DGKI: variants seen among roughly 807,000 people sequenced by gnomAD.
DGKI encodes DAG kinase iota.
In DGKI, 55 loss-of-function variants were observed where a neutral mutation model predicts 147.5. That is an observed-to-expected ratio of 0.37 (90% CI 0.30 to 0.47). The LOEUF (loss-of-function observed/expected upper bound fraction) is 0.47, where lower values mean the gene tolerates loss of function less well. Among genes scored for constraint, DGKI ranks in the 20% least tolerant of loss-of-function variants. The pLI, the probability that DGKI is intolerant of heterozygous loss-of-function variation, is 1.00. For synonymous variants in DGKI, 469 were observed against 477.1 expected, an observed-to-expected ratio of 0.98 and a Z score of 0.22; for missense variants, 1,007 against 1,323.8, an observed-to-expected ratio of 0.76 and a Z score of 3.71.
chr7:137,464,909 T>C lies in DGKI; in HGVS notation c.2612+999A>G, dbSNP rs113821817. The stretch of plus-strand genomic sequence containing the variant: ...TCTTACTTCAACAATTCAGGCCCCA[T>C]AGACCAGTAAAACACTAAATTTCAC... On this transcript the variant is annotated intron_variant, in intron 26 of 32. Transcript: ENST00000614521. Among the ~76,000 whole-genome samples, 68 of 152,336 alleles carry C rather than the reference T, an allele frequency of 4.5e-4. 1 individual carries two copies. Among genetic ancestry groups the C allele is most frequent in the African/African-American group, 1.5e-3 (63 of 41,580 alleles).
At chr7:137,762,117 C>A (rs190567429) in intron 1 of DGKI, among the ~76,000 whole-genome samples, 3 of 152,278 alleles carry the variant, frequency 2.0e-5, no homozygotes, top group East Asian at 3.9e-4. Context: ...CAAATCATTC[C>A]GTATACGGTA....
intron 21 of DGKI, among the ~76,000 whole-genome samples, chr7:137,494,730 C>A (rs1609250): frequency 1 from 152,136 of 152,312 alleles, 75,980 homozygotes; most frequent in Middle Eastern, 1. Context: ...GCCTAAATAC[C>A]CAGACCAGTG....
At chr7:137,644,288 G>A (rs1821754040) in intron 6 of DGKI, among the ~76,000 whole-genome samples, 1 of 152,094 alleles carries the variant, frequency 6.6e-6, no homozygotes, top group African/African-American at 2.4e-5. Context: ...CTCTTTACAG[G>A]ATAAAAGAGA....
intron 28 of DGKI, among the ~76,000 whole-genome samples, chr7:137,420,305 C>T (rs938070667): frequency 2.6e-5 from 4 of 152,112 alleles, no homozygotes; most frequent in East Asian, 1.9e-4. Flanking sequence ...GGAGAGAGAG[C>T]GTAGATCCCA....
At chr7:137,638,594 A>ATG (rs1821477661) in intron 6 of DGKI, among the ~76,000 whole-genome samples, 1 of 26,022 alleles carries the variant, frequency 3.8e-5, no homozygotes, top group African/African-American at 1.3e-4. Flanking sequence ...ACACATATAT[A>ATG]CATATATGTA....
At chr7:137,652,451 A>G (rs1822062631) in intron 5 of DGKI, among the ~76,000 whole-genome samples, 1 of 152,142 alleles carries the variant, frequency 6.6e-6, no homozygotes, top group Non-Finnish European at 1.5e-5. Flanking sequence ...CCTGGTTGGA[A>G]AGTCATAAAC....
intron 17 of DGKI, among the ~76,000 whole-genome samples, chr7:137,575,421 C>T (rs569746964): frequency 1.3e-5 from 2 of 152,254 alleles, no homozygotes; most frequent in Admixed American, 1.3e-4. Context: ...AGAAAACTCT[C>T]TAGCAGTTAG....
chr7:137,752,792 T>C (rs1280219114), intron 1 of DGKI, among the ~76,000 whole-genome samples: 1 of 152,168 alleles, frequency 6.6e-6, no homozygotes, highest in Non-Finnish European at 1.5e-5. Flanking sequence ...TTTGGAGATG[T>C]GAGTCTTGCC....
chr7:137,536,991 G>A (rs971358920), intron 20 of DGKI, among the ~76,000 whole-genome samples: 18 of 152,176 alleles, frequency 1.2e-4, no homozygotes, highest in Admixed American at 2.0e-4. Context: ...AAACTGGCAT[G>A]AGCTGAAGTC....
intron 1 of DGKI, among the ~76,000 whole-genome samples, chr7:137,698,349 A>C (rs1285856581): frequency 6.6e-6 from 1 of 152,190 alleles, no homozygotes; most frequent in Non-Finnish European, 1.5e-5. Flanking sequence ...TTTACTGAAG[A>C]ATGCTTGTCA....
At chr7:137,490,178 C>T (rs1815712851) in intron 21 of DGKI, among the ~76,000 whole-genome samples, 1 of 152,140 alleles carries the variant, frequency 6.6e-6, no homozygotes, top group Admixed American at 6.5e-5. Context: ...AAATTTATTC[C>T]AAGAAGGTGG....
intron 20 of DGKI, among the ~76,000 whole-genome samples, chr7:137,543,267 A>G (rs1817761561): frequency 6.6e-6 from 1 of 152,234 alleles, no homozygotes; most frequent in South Asian, 2.1e-4. Flanking sequence ...TTATTAATTC[A>G]TTAACTTGCA....
At chr7:137,595,226 G>A (rs1819743740) in intron 12 of DGKI, among the ~76,000 whole-genome samples, 1 of 152,198 alleles carries the variant, frequency 6.6e-6, no homozygotes, top group African/African-American at 2.4e-5. Context: ...GGAGAAGTAG[G>A]TAGTCTACAT....
intron 32 of DGKI, among the ~76,000 whole-genome samples, chr7:137,393,015 C>A (rs187729873): frequency 6.6e-6 from 1 of 151,946 alleles, no homozygotes; most frequent in Non-Finnish European, 1.5e-5. Context: ...AAAAGTTATA[C>A]GATATCATGT....
intron 1 of DGKI, among the ~76,000 whole-genome samples, chr7:137,711,310 C>T (rs1191266530): frequency 1.3e-5 from 2 of 152,054 alleles, no homozygotes; most frequent in Non-Finnish European, 2.9e-5. Context: ...ATCATATCAG[C>T]ACTATTTATT....
At chr7:137,411,834 A>C (rs1001225030) in intron 29 of DGKI, among the ~76,000 whole-genome samples, 2 of 152,200 alleles carry the variant, frequency 1.3e-5, no homozygotes, top group Non-Finnish European at 2.9e-5. Flanking sequence ...TGCATTTCTG[A>C]GTGTTGCCCA....
chr7:137,481,671 T>C lies in DGKI; in HGVS notation c.2373+3703A>G, dbSNP rs566217503. Among the ~76,000 whole-genome samples the C allele has an allele frequency of 7.2e-5, 11 of 152,190 alleles. No homozygotes were observed. In the East Asian group the frequency reaches 2.1e-3, roughly 29 times the overall value. On this transcript the variant is annotated intron_variant, in intron 23 of 32. Coordinates refer to ENST00000614521, the MANE Select transcript of DGKI (RefSeq NM_001321708.2). ...TGCTTTGTTGGCAATTCACTATGCA[T>C]TTGGAAAAGGAAGAAACCAAAGCAA...
intron 21 of DGKI, 137 bp from the exon 22 acceptor site, chr7:137,487,826 G>C: frequency 1.4e-6 from 1 of 733,730 alleles, no homozygotes; most frequent in Non-Finnish European, 2.2e-6. Context: ...AAAGAAAGAA[G>C]TACTTTCTCC....
At chr7:137,651,073 C>T (rs1280785583) in intron 5 of DGKI, among the ~76,000 whole-genome samples, 1 of 152,154 alleles carries the variant, frequency 6.6e-6, no homozygotes, top group East Asian at 1.9e-4. Context: ...ATGGAAACCA[C>T]TGGAGAGTTT....
Sources: gnomAD v4.1 joint callset for allele counts (sites outside exome capture counted in the v4.1 genomes callset) on GRCh38, gnomAD v4.1.1 for gene constraint, MANE v1.5 for transcripts, NCBI Gene and HGNC (gene_info 2026-07-23, HGNC 2026-07-21) for gene names.